PRKG1: variants seen among roughly 807,000 people sequenced by gnomAD.
PRKG1 encodes the protein protein kinase cGMP-dependent 1, also known as cGMP-dependent protein kinase 1.
Under a neutral mutation model 88.1 loss-of-function variants are expected in PRKG1, and 35 were observed. That is an observed-to-expected ratio of 0.40 (90% CI 0.30 to 0.53). The LOEUF (loss-of-function observed/expected upper bound fraction) is 0.53. PRKG1 is among the 20% of genes least tolerant of loss of function. The probability of loss-of-function intolerance (pLI) is 0.59; values close to 1 mark genes in which losing one functional copy is unlikely to be tolerated. For synonymous variants in PRKG1, 303 were observed against 292.5 expected (o/e 1.04, Z -0.37); for missense variants, 540 against 839.8 (o/e 0.64, Z 4.41).
At chr10:52,123,571 A>G (rs539517401) in intron 7 of PRKG1, among the ~76,000 whole-genome samples, 58 of 152,182 alleles carry the variant, frequency 3.8e-4, no homozygotes, top group African/African-American at 1.3e-3. Context: ...TTTATTTTAC[A>G]TTGTAGGATT....
chr10:52,240,833 G>A (rs1840841507), intron 9 of PRKG1, among the ~76,000 whole-genome samples: 1 of 152,006 alleles, frequency 6.6e-6, no homozygotes, highest in African/African-American at 2.4e-5. Flanking sequence ...TTGGACCCTG[G>A]ATACATTTTC....
intron 2 of PRKG1, among the ~76,000 whole-genome samples, chr10:51,355,079 A>G (rs138149291): frequency 2.0e-5 from 3 of 152,200 alleles, no homozygotes; most frequent in Middle Eastern, 3.4e-3. Context: ...TTTCTCATCC[A>G]TAAATGGGTC....
intron 1 of PRKG1, among the ~76,000 whole-genome samples, chr10:51,075,539 T>G (rs1354257228): frequency 6.6e-6 from 1 of 152,246 alleles, no homozygotes; most frequent in African/African-American, 2.4e-5. Flanking sequence ...GAAGAAATAT[T>G]TTTTCATAAC....
At chr10:51,943,543 G>A (rs1842957121) in intron 5 of PRKG1, among the ~76,000 whole-genome samples, 1 of 151,968 alleles carries the variant, frequency 6.6e-6, no homozygotes. Flanking sequence ...GTTTTCAAAG[G>A]GAATGCTTCC....
intron 3 of PRKG1, among the ~76,000 whole-genome samples, chr10:51,529,537 T>C (rs1841963483): frequency 6.6e-6 from 1 of 152,180 alleles, no homozygotes; most frequent in Non-Finnish European, 1.5e-5. Flanking sequence ...CAATCCTTGG[T>C]AATATACTTG....
upstream of PRKG1, among the ~76,000 whole-genome samples, chr10:51,074,096 A>G (rs1038037316): frequency 8.5e-5 from 3 of 35,294 alleles, no homozygotes; most frequent in Non-Finnish European, 1.8e-4. Context: ...CCACCTCCCC[A>G]CCCCCGAAGT....
chr10:51,818,637 A>C (rs1248821132), intron 4 of PRKG1, among the ~76,000 whole-genome samples: 1 of 152,194 alleles, frequency 6.6e-6, no homozygotes, highest in Non-Finnish European at 1.5e-5. Context: ...CTTTCTGAGA[A>C]TCACAGCACA....
chr10:52,287,447 T>G (rs1842142170), intron 14 of PRKG1, among the ~76,000 whole-genome samples: 1 of 151,972 alleles, frequency 6.6e-6, no homozygotes, highest in African/African-American at 2.4e-5. Context: ...ATTAGCCTGC[T>G]TGATAAAAAA....
chr10:51,560,595 G>C (rs1056351439), intron 3 of PRKG1, among the ~76,000 whole-genome samples: 1 of 151,972 alleles, frequency 6.6e-6, no homozygotes, highest in Non-Finnish European at 1.5e-5. Context: ...GCAATGTCTT[G>C]TGTTATGTAT....
chr10:51,929,690 G>T (rs1411554903), intron 5 of PRKG1, among the ~76,000 whole-genome samples: 2 of 152,064 alleles, frequency 1.3e-5, no homozygotes, highest in African/African-American at 4.8e-5. Flanking sequence ...AAGTTAGAGG[G>T]TCTAAAGCTG....
intron 4 of PRKG1, among the ~76,000 whole-genome samples, chr10:51,847,958 G>T (rs1840446617): frequency 6.9e-6 from 1 of 144,130 alleles, no homozygotes; most frequent in Admixed American, 7.2e-5. Flanking sequence ...ACTGTTCTAT[G>T]CATGACGTTT....
chr10:51,796,727 A>T (rs1839021381), intron 3 of PRKG1, among the ~76,000 whole-genome samples: 2 of 152,130 alleles, frequency 1.3e-5, no homozygotes, highest in Non-Finnish European at 2.9e-5. Flanking sequence ...TCAGCATTTG[A>T]ATCAGCAGAC....
intron 2 of PRKG1, among the ~76,000 whole-genome samples, chr10:51,284,483 G>A (rs570312985): frequency 1.3e-5 from 2 of 152,252 alleles, no homozygotes; most frequent in African/African-American, 4.8e-5. Context: ...ATTAAAATAG[G>A]TTTGTTCTGT....
chr10:51,474,720 A>G (rs1840144897), intron 3 of PRKG1, among the ~76,000 whole-genome samples: 2 of 152,026 alleles, frequency 1.3e-5, no homozygotes, highest in Admixed American at 6.6e-5. Context: ...GAAGACTGGG[A>G]AAAAATTATT....
chr10:51,207,897 A>G (rs573889823), intron 2 of PRKG1, among the ~76,000 whole-genome samples: 56 of 152,294 alleles, frequency 3.7e-4, no homozygotes, highest in African/African-American at 1.3e-3. Context: ...TCTTCCTTGC[A>G]TGATAGTTAC....
chr10:51,076,605 A>G (rs984378778), intron 1 of PRKG1, among the ~76,000 whole-genome samples: 1 of 152,214 alleles, frequency 6.6e-6, no homozygotes, highest in Admixed American at 6.5e-5. Context: ...AAGCATGTTG[A>G]AGCCAGCTGA....
rs1341679243 is a variant in PRKG1, at chr10:52,282,065, TATC to T, written c.1546-80_1546-78del. The T allele has an allele frequency of 2.3e-5, 28 of 1,240,806 alleles. No individual in the cohort carries two copies. In the African/African-American group the frequency reaches 2.4e-4, roughly 11 times the overall value. 76.9% of individuals were successfully genotyped at this position (1,240,806 alleles called of 1,614,324 possible). On this transcript the variant is annotated intron_variant, in intron 13 of 17. Coordinates refer to ENST00000373980, the MANE Select transcript of PRKG1 (RefSeq NM_006258.4). ...AAAAACATACATGTTTTTAAATTAT[TATC>T]ATCATCAGTGTGCTTCAAAATAACT...
chr10:51,807,070 G>A (rs1327595388), intron 4 of PRKG1, among the ~76,000 whole-genome samples: 2 of 152,146 alleles, frequency 1.3e-5, no homozygotes, highest in Non-Finnish European at 2.9e-5. Context: ...TTGACCTTAA[G>A]CTTATTTCTA....
chr10:51,508,042 A>C (rs1841278682), intron 3 of PRKG1, among the ~76,000 whole-genome samples: 1 of 152,154 alleles, frequency 6.6e-6, no homozygotes, highest in South Asian at 2.1e-4. Context: ...GTGGAGTCTG[A>C]TAGTCCAGAT....
Sources: gnomAD v4.1 joint callset for allele counts (sites outside exome capture counted in the v4.1 genomes callset) on GRCh38, gnomAD v4.1.1 for gene constraint, MANE v1.5 for transcripts, NCBI Gene and HGNC (gene_info 2026-07-23, HGNC 2026-07-21) for gene names.